Variants in VPS13B observed in about 807,000 individuals in gnomAD.
The protein encoded by VPS13B is intermembrane lipid transfer protein VPS13B.
Under a neutral mutation model 426.4 loss-of-function variants are expected in VPS13B, and 285 were observed. The ratio of observed to expected loss-of-function variants is 0.67; its 90% confidence interval spans 0.61 to 0.74. The LOEUF (loss-of-function observed/expected upper bound fraction) is 0.74, where lower values mean the gene tolerates loss of function less well. Ranked by LOEUF, VPS13B falls within the 30% of genes least tolerant of loss-of-function variation. The pLI, the probability that VPS13B is intolerant of heterozygous loss-of-function variation, is 0.00. For synonymous variants in VPS13B, 1,676 were observed against 1,676.4 expected (o/e 1.00, Z 0.01); for missense variants, 4,537 against 4,782.6 (o/e 0.95, Z 1.51).
intron 36 of VPS13B, among the ~76,000 whole-genome samples, chr8:99,702,988 T>TGA (rs1832346636): frequency 6.6e-6 from 1 of 152,130 alleles, no homozygotes; most frequent in Non-Finnish European, 1.5e-5. Flanking sequence ...TTTCACCTAA[T>TGA]GATTATATGT....
rs779913773 is a variant in VPS13B at position 99,793,254 on chromosome 8, CATATATAT to C, written c.7941+8802_7941+8809del. Among the ~76,000 whole-genome samples, 189 of 107,028 alleles carry C rather than the reference CATATATAT, an allele frequency of 1.8e-3. 1 individual carries two copies. Among genetic ancestry groups the C allele is most frequent in the African/African-American group, 6.2e-3 (174 of 27,848 alleles). The allele number at this position is 107,028 out of a possible 152,430, so 70.2% of individuals were successfully genotyped here. Reference sequence around the variant, plus strand: ...TTTGGAGACAGGGTCTTGCCCTCTCCATATATATATATATATATATATATATATATAAA... The same window carrying C: ...TTTGGAGACAGGGTCTTGCCCTCTCCATATATATATATATATATATATAAA... On this transcript the variant is annotated intron_variant, in intron 43 of 61. Coordinates refer to ENST00000357162, the MANE Select transcript of VPS13B (RefSeq NM_152564.5).
chr8:99,502,804 G>A (rs1406317040), intron 26 of VPS13B, 32 bp from the exon 27 acceptor site: 1 of 1,427,188 alleles, frequency 7.0e-7, no homozygotes, highest in African/African-American at 1.4e-5. Flanking sequence ...TGTGAAGACT[G>A]TGTTGATATT....
chr8:99,799,954 A>G (rs1813039226), intron 43 of VPS13B, among the ~76,000 whole-genome samples: 1 of 152,102 alleles, frequency 6.6e-6, no homozygotes. Flanking sequence ...TGTTGCTCCC[A>G]TTTCTCAGCT....
In VPS13B at chr8:99,255,938, C is replaced by T. The variant is rs139279695; in HGVS notation, c.2516-18260C>T. 4.0e-3 allele frequency among the ~76,000 whole-genome samples: 603 copies of T among 152,206 alleles called. 4 individuals carry two copies. The highest frequency in any genetic ancestry group is 6.8e-3 in the Non-Finnish European group (465 of 68,016). ...CTACCCAGGCAGGGATGTTGGGGTT[C>T]ATGTTAGAGTATGCTGAAGATGGAA... is the stretch of plus-strand genomic sequence containing the variant. On this transcript the variant is annotated intron_variant, in intron 17 of 61. Transcript: ENST00000357162.
At chr8:99,716,768 G>C (rs1487399174) in intron 36 of VPS13B, among the ~76,000 whole-genome samples, 1 of 152,124 alleles carries the variant, frequency 6.6e-6, no homozygotes, top group Non-Finnish European at 1.5e-5. Flanking sequence ...GTCTAGCAGA[G>C]TAACATACTG....
chr8:99,845,900 G>T (rs563858745), intron 54 of VPS13B, among the ~76,000 whole-genome samples: 4 of 152,284 alleles, frequency 2.6e-5, no homozygotes, highest in African/African-American at 9.6e-5. Context: ...ACCAGATTTG[G>T]CCCACCACTG....
At chr8:99,513,627 C>T (rs1424471653) in intron 29 of VPS13B, among the ~76,000 whole-genome samples, 2 of 152,112 alleles carry the variant, frequency 1.3e-5, no homozygotes, top group Non-Finnish European at 2.9e-5. Flanking sequence ...TCATTTATCA[C>T]ATATTATTCC....
intron 54 of VPS13B, among the ~76,000 whole-genome samples, chr8:99,840,529 A>G (rs1245073227): frequency 1.3e-5 from 2 of 152,242 alleles, no homozygotes; most frequent in Non-Finnish European, 2.9e-5. Context: ...GGACAAGTTC[A>G]TGGTTGACAT....
intron 17 of VPS13B, among the ~76,000 whole-genome samples, chr8:99,268,638 A>G (rs1818424807): frequency 6.6e-6 from 1 of 152,178 alleles, no homozygotes; most frequent in Non-Finnish European, 1.5e-5. Flanking sequence ...CTGTACCCCC[A>G]TTGTATCTAG....
At chr8:99,225,548 A>G (rs1815970414) in intron 17 of VPS13B, among the ~76,000 whole-genome samples, 1 of 152,094 alleles carries the variant, frequency 6.6e-6, no homozygotes, top group Admixed American at 6.6e-5. Flanking sequence ...TTATTTTCTA[A>G]TCAGAGCTAA....
rs531590879 is a variant in VPS13B at position 99,246,210 on chromosome 8, G to A, written c.2516-27988G>A. Among the ~76,000 whole-genome samples the A allele has an allele frequency of 1.1e-3, 172 of 152,298 alleles. 1 individual carries two copies. Among genetic ancestry groups the A allele is most frequent in the Middle Eastern group, 6.8e-3 (2 of 294 alleles). On this transcript the variant is annotated intron_variant, in intron 17 of 61. Transcript: ENST00000357162. ...AAATCGCTTTGCCTCTAGAGCAGTA[G>A]TTAGAGCTTCCAATATATGCTGACC...
chr8:99,358,427 TAA>T (rs1223723752), intron 19 of VPS13B, among the ~76,000 whole-genome samples: 1 of 152,202 alleles, frequency 6.6e-6, no homozygotes, highest in Non-Finnish European at 1.5e-5. Context: ...TCATTGAGTG[TAA>T]ATTAGTGATT....
At chr8:99,181,201 A>T (rs1812929447) in intron 16 of VPS13B, among the ~76,000 whole-genome samples, 1 of 152,234 alleles carries the variant, frequency 6.6e-6, no homozygotes, top group East Asian at 1.9e-4. Context: ...TAGGATAGCC[A>T]TTAAAATTTT....
chr8:99,344,964 T>A (rs999894429), intron 19 of VPS13B, among the ~76,000 whole-genome samples: 6 of 152,138 alleles, frequency 3.9e-5, no homozygotes, highest in African/African-American at 1.4e-4. Flanking sequence ...CTGCATATTT[T>A]AAAAAATATT....
At chr8:99,779,935 G>A (rs572876038) in intron 42 of VPS13B, among the ~76,000 whole-genome samples, 1 of 152,250 alleles carries the variant, frequency 6.6e-6, no homozygotes, top group East Asian at 1.9e-4. Context: ...TTTTGGGATG[G>A]AGCAGTTAAG....
At chr8:99,157,862 T>C (rs902107446) in intron 15 of VPS13B, among the ~76,000 whole-genome samples, 4 of 152,210 alleles carry the variant, frequency 2.6e-5, no homozygotes, top group South Asian at 4.1e-4. Context: ...ACAGCCATAT[T>C]GTTGATATAA....
At chr8:99,083,874 G>C (rs1336917133) in intron 3 of VPS13B, among the ~76,000 whole-genome samples, 1 of 142,770 alleles carries the variant, frequency 7.0e-6, no homozygotes, top group Non-Finnish European at 1.5e-5. Flanking sequence ...TTTTATTGAG[G>C]ATTTTTGCAT....
At chr8:99,186,147 A>G (rs1813209067) in intron 16 of VPS13B, among the ~76,000 whole-genome samples, 1 of 152,152 alleles carries the variant, frequency 6.6e-6, no homozygotes, top group Non-Finnish European at 1.5e-5. Context: ...GATATGAGGA[A>G]TAGGCATGTG....
At chr8:99,617,561 G>A (rs1048491323) in intron 33 of VPS13B, among the ~76,000 whole-genome samples, 20 of 152,000 alleles carry the variant, frequency 1.3e-4, no homozygotes, top group African/African-American at 3.1e-4. Flanking sequence ...TCCTGACCTC[G>A]GGTGATCCAC....
Sources: gnomAD v4.1 joint callset for allele counts (sites outside exome capture counted in the v4.1 genomes callset) on GRCh38, gnomAD v4.1.1 for gene constraint, MANE v1.5 for transcripts, NCBI Gene and HGNC (gene_info 2026-07-23, HGNC 2026-07-21) for gene names.